Variants in PHF14 observed in about 807,000 individuals in gnomAD.
The protein encoded by PHF14 is PHD finger protein 14.
PHF14 carries 55 observed loss-of-function variants against 117.9 expected under a neutral mutation model. The ratio of observed to expected loss-of-function variants is 0.47; its 90% CI spans 0.38 to 0.58. The LOEUF (loss-of-function observed/expected upper bound fraction) is 0.58. PHF14 is among the 20% of genes least tolerant of loss of function. The probability of loss-of-function intolerance (pLI) is 0.00; values close to 1 mark genes in which losing one functional copy is unlikely to be tolerated. For synonymous variants in PHF14, 409 were observed against 368.6 expected, an observed-to-expected ratio of 1.11 and a Z score of -1.26; for missense variants, 978 against 1,122.2, an observed-to-expected ratio of 0.87 and a Z score of 1.84.
intron 16 of PHF14, among the ~76,000 whole-genome samples, chr7:11,086,781 T>A (rs1786425392): frequency 6.6e-6 from 1 of 152,172 alleles, no homozygotes; most frequent in Admixed American, 6.5e-5. Context: ...GTTTTTGTCA[T>A]CATTTGAATA....
intron 16 of PHF14, among the ~76,000 whole-genome samples, chr7:11,093,810 T>G (rs1786739673): frequency 6.6e-6 from 1 of 152,182 alleles, no homozygotes; most frequent in Non-Finnish European, 1.5e-5. Context: ...CTGGCTTGTG[T>G]CTTTGGCACA....
chr7:11,029,141 G>A (rs1784031788), intron 7 of PHF14, among the ~76,000 whole-genome samples: 1 of 152,108 alleles, frequency 6.6e-6, no homozygotes, highest in Admixed American at 6.6e-5. Flanking sequence ...TTTTATACGA[G>A]AAGCTGAAAC....
chr7:11,078,965 A>G (rs1785974785), intron 16 of PHF14, among the ~76,000 whole-genome samples: 1 of 152,116 alleles, frequency 6.6e-6, no homozygotes, highest in African/African-American at 2.4e-5. Context: ...CATATTTATT[A>G]TCTATGTAGC....
At chr7:11,024,012 G>A (rs1053080800) in intron 6 of PHF14, among the ~76,000 whole-genome samples, 4 of 152,196 alleles carry the variant, frequency 2.6e-5, no homozygotes, top group Non-Finnish European at 5.9e-5. Flanking sequence ...CGAATAGCCA[G>A]TATGTCAGTG....
intron 4 of PHF14, among the ~76,000 whole-genome samples, chr7:10,996,131 A>C (rs1387871917): frequency 6.6e-6 from 1 of 152,244 alleles, no homozygotes; most frequent in Non-Finnish European, 1.5e-5. Flanking sequence ...TTTTCAGCAG[A>C]GGATTAATAT....
At chr7:11,075,642 CCAGGCGCA>C (rs1190551971) in intron 16 of PHF14, among the ~76,000 whole-genome samples, 1 of 150,204 alleles carries the variant, frequency 6.7e-6, no homozygotes, top group African/African-American at 2.5e-5. Context: ...ACACCTCCCA[CCAGGCGCA>C]CCTCCAACAC....
intron 4 of PHF14, among the ~76,000 whole-genome samples, chr7:11,008,836 C>T (rs1368596783): frequency 2.0e-5 from 3 of 151,822 alleles, no homozygotes; most frequent in Non-Finnish European, 4.4e-5. Flanking sequence ...GAGATCGAGA[C>T]CATCCTGACT....
chr7:11,074,488 G>A lies in PHF14; in HGVS notation c.2654+12403G>A, dbSNP rs534697583. ...GCCTCCCAAAGTGCTGGGATTACAG[G>A]CATGAGCCACCGTGCCTGGCCCCGT... is the stretch of plus-strand genomic sequence containing the variant. On this transcript the variant is annotated intron_variant, in intron 16 of 17. Transcript: ENST00000634607. Among the ~76,000 whole-genome samples the A allele has an allele frequency of 5.9e-5, 9 of 152,248 alleles. No individual in the cohort carries two copies. In the East Asian group the frequency reaches 1.7e-3, roughly 29 times the overall value.
chr7:11,153,948 C>CGTGTGTGTGTGT (rs10593375), intron 17 of PHF14, among the ~76,000 whole-genome samples: 2 of 149,276 alleles, frequency 1.3e-5, no homozygotes, highest in African/African-American at 4.9e-5. Context: ...TCTGTGTGTG[C>CGTGTGTGTGTGT]GTGTGTGTGT....
intron 16 of PHF14, chr7:11,062,961 AT>A: frequency 2.1e-6 from 2 of 937,554 alleles, no homozygotes; most frequent in Non-Finnish European, 2.5e-6. Flanking sequence ...GGACACAGAA[AT>A]TAAACATTTC....
intron 16 of PHF14, among the ~76,000 whole-genome samples, chr7:11,076,888 T>C (rs1402621218): frequency 6.6e-6 from 1 of 151,878 alleles, no homozygotes; most frequent in Non-Finnish European, 1.5e-5. Context: ...GTTTTTTTTT[T>C]TTTTGGCAAA....
chr7:11,109,853 C>T (rs1787385698), intron 16 of PHF14: 1 of 151,826 alleles, frequency 6.6e-6, no homozygotes, highest in African/African-American at 2.4e-5. Flanking sequence ...CTAGAACTGT[C>T]ATAGTAAGCA....
At chr7:10,991,746 T>A in intron 4 of PHF14, among the ~76,000 whole-genome samples, 1 of 130,176 alleles carries the variant, frequency 7.7e-6, no homozygotes. Flanking sequence ...TTTTTTAATT[T>A]TTTAATTTTT....
rs913179585 is a variant in PHF14 at position 11,146,314 on chromosome 7, T to G, written c.2773-23102T>G. ...CTTTGTTCCTTCAAGAGGAATTTCT[T>G]TTTCAATATTTTCATTGACAAATGT... On this transcript the variant is annotated intron_variant, in intron 17 of 17. Transcript: ENST00000634607. Among the ~76,000 whole-genome samples, 3 of 152,178 alleles carry G rather than the reference T, an allele frequency of 2.0e-5. No individual in the cohort carries two copies. In the East Asian group the frequency reaches 5.8e-4, roughly 29 times the overall value.
chr7:11,168,425 T>G (rs1404608541), intron 17 of PHF14, among the ~76,000 whole-genome samples: 2 of 152,222 alleles, frequency 1.3e-5, no homozygotes, highest in East Asian at 3.8e-4. Flanking sequence ...TATGCATACC[T>G]TGGTTTGCTT....
intron 4 of PHF14, 66 bp downstream of exon 4, chr7:10,990,913 A>G (rs1476733375): frequency 2.7e-6 from 3 of 1,123,728 alleles, no homozygotes; most frequent in Non-Finnish European, 3.8e-6. Context: ...ATTTGTACTA[A>G]GGTGGTTCTA....
Position 10,985,643 on chromosome 7 carries a change from T to G in PHF14, c.900+2484T>G, listed in dbSNP as rs1204225735. Among the ~76,000 whole-genome samples, 868 of 116,006 alleles carry G rather than the reference T, an allele frequency of 7.5e-3. 11 individuals carry two copies. Among genetic ancestry groups the G allele is most frequent in the African/African-American group, 0.031 (812 of 25,804 alleles). The allele number at this position is 116,006 out of a possible 152,430, so 76.1% of individuals were successfully genotyped here. A position where few individuals can be genotyped will look rare whatever the true frequency, so the allele number is the denominator to read the frequency against. ...CTAGCAGTGATTCTCAAACTGTTTTTTTTTTTTTTTTTTTTTTTTTTTTTT... is the reference window on the plus strand; with the variant it reads ...CTAGCAGTGATTCTCAAACTGTTTTGTTTTTTTTTTTTTTTTTTTTTTTTT... On this transcript the variant is annotated intron_variant, in intron 3 of 17. Transcript: ENST00000634607.
intron 3 of PHF14, among the ~76,000 whole-genome samples, chr7:10,988,945 G>T (rs1782343961): frequency 6.6e-6 from 1 of 152,152 alleles, no homozygotes. Flanking sequence ...CAACTTTGAA[G>T]CATGGCTAGT....
intron 17 of PHF14, among the ~76,000 whole-genome samples, chr7:11,153,142 T>C (rs1273340401): frequency 6.6e-6 from 1 of 152,142 alleles, no homozygotes; most frequent in African/African-American, 2.4e-5. Flanking sequence ...TATACAATTA[T>C]AAAACCAAAG....
Sources: gnomAD v4.1 joint callset for allele counts (sites outside exome capture counted in the v4.1 genomes callset) on GRCh38, gnomAD v4.1.1 for gene constraint, MANE v1.5 for transcripts, NCBI Gene and HGNC (gene_info 2026-07-23, HGNC 2026-07-21) for gene names.